Variants in DIS3L2 observed in about 807,000 individuals in gnomAD.
The protein encoded by DIS3L2 is DIS3 like 3'-5' exoribonuclease 2.
A neutral mutation model predicts 97.5 loss-of-function variants in DIS3L2; 34 were observed. That is an observed-to-expected ratio of 0.35 (90% confidence interval 0.27 to 0.46). DIS3L2 has a LOEUF of 0.46. Ranked by LOEUF, DIS3L2 falls within the 20% of genes least tolerant of loss-of-function variation. DIS3L2 has a pLI of 1.00. For synonymous variants in DIS3L2, 435 were observed against 445.2 expected (o/e 0.98, Z 0.29); for missense variants, 1,038 against 1,146.0 (o/e 0.91, Z 1.36).
chr2:232,172,647 C>T, intron 9 of DIS3L2: 3 of 528,636 alleles, frequency 5.7e-6, no homozygotes, highest in Non-Finnish European at 7.8e-6. Flanking sequence ...TGGGTATACA[C>T]CTAGGAGTGA....
chr2:231,977,928 C>T (rs552695863), intron 1 of DIS3L2, among the ~76,000 whole-genome samples: 3 of 152,288 alleles, frequency 2.0e-5, no homozygotes, highest in African/African-American at 7.2e-5. Context: ...TGTGTTTGAT[C>T]AGAAGATCCA....
At chr2:232,051,384 T>C (rs1695394693) in intron 5 of DIS3L2, among the ~76,000 whole-genome samples, 1 of 152,194 alleles carries the variant, frequency 6.6e-6, no homozygotes, top group South Asian at 2.1e-4. Context: ...TTTTGAACAA[T>C]TTCAGTGTTT....
chr2:232,017,241 T>C (rs1490055673), intron 3 of DIS3L2, among the ~76,000 whole-genome samples: 1 of 151,946 alleles, frequency 6.6e-6, no homozygotes, highest in Non-Finnish European at 1.5e-5. Flanking sequence ...AGGTAAAAAT[T>C]AGTCATGCCA....
At chr2:232,203,864 T>C (rs1167478756) in intron 9 of DIS3L2, among the ~76,000 whole-genome samples, 1 of 152,072 alleles carries the variant, frequency 6.6e-6, no homozygotes, top group African/African-American at 2.4e-5. Flanking sequence ...ACATTGGAGA[T>C]TGGTAGAGTT....
intron 1 of DIS3L2, among the ~76,000 whole-genome samples, chr2:232,000,307 T>C (rs1420428448): frequency 1.3e-5 from 2 of 152,234 alleles, no homozygotes; most frequent in Admixed American, 1.3e-4. Context: ...GAGATGACTG[T>C]ATACAATATA....
rs556233567 is a variant in DIS3L2, at chr2:232,310,430, C to T, written c.1739+10311C>T. On this transcript the variant is annotated intron_variant, in intron 14 of 20. Coordinates refer to ENST00000325385, the MANE Select transcript of DIS3L2 (RefSeq NM_152383.5). ...ATGATGCAGGCACAACTCCTGCTTC[C>T]ACTGCTGGATTCGGGTAGTGTTCAG... Among the ~76,000 whole-genome samples the T allele has an allele frequency of 2.6e-5, 4 of 152,338 alleles. No homozygotes were observed. In the South Asian group the frequency reaches 8.3e-4, roughly 32 times the overall value.
In DIS3L2 at chr2:232,337,160, T is replaced by C; in HGVS notation, c.*530T>C. 1.0e-6 allele frequency: 1 copy of C among 998,212 alleles called. No individual in the cohort carries two copies. The highest frequency in any genetic ancestry group is 1.2e-6 in the Non-Finnish European group (1 of 839,518). The allele number at this position is 998,212 out of a possible 1,614,324, so 61.8% of individuals were successfully genotyped here. ...GCAGATGATTGATACTGGAGTCTCA[T>C]TCTGCCTGATTAAAAATGGAATTAG... is the stretch of plus-strand genomic sequence containing the variant. On this transcript the variant is annotated 3_prime_UTR_variant, in exon 21 of 21. Transcript: ENST00000325385.
chr2:231,967,599 A>C (rs1218531319), intron 1 of DIS3L2, among the ~76,000 whole-genome samples: 5 of 152,240 alleles, frequency 3.3e-5, no homozygotes, highest in Non-Finnish European at 7.3e-5. Flanking sequence ...GCACAGTATT[A>C]AACAAGGTCA....
chr2:232,061,358 C>G (rs569212833), intron 5 of DIS3L2, among the ~76,000 whole-genome samples: 10 of 152,196 alleles, frequency 6.6e-5, no homozygotes, highest in Non-Finnish European at 1.5e-4. Flanking sequence ...AAAGCAAAGA[C>G]ATGTTTCTTG....
At chr2:232,343,832 G>T in exon 14 of DIS3L2, 1 of 412,204 alleles carries the variant, frequency 2.4e-6, no homozygotes, top group South Asian at 3.9e-5. Context: ...TTTTCCCTCA[G>T]ATTTTCCATC....
chr2:232,336,378 G>C, intron 20 of DIS3L2, 91 bp from the exon 21 acceptor site: 1 of 1,549,964 alleles, frequency 6.5e-7, no homozygotes, highest in South Asian at 1.2e-5. Context: ...CGAAGGAGGG[G>C]CCAGGGGTCC....
At chr2:232,321,723 G>A (rs773057502) in intron 14 of DIS3L2, among the ~76,000 whole-genome samples, 7 of 152,228 alleles carry the variant, frequency 4.6e-5, no homozygotes, top group East Asian at 1.9e-4. Flanking sequence ...CAGGGAGGCC[G>A]TGGCGCGGGC....
intron 9 of DIS3L2, among the ~76,000 whole-genome samples, chr2:232,185,733 C>T (rs1285174025): frequency 6.6e-6 from 1 of 151,896 alleles, no homozygotes; most frequent in Non-Finnish European, 1.5e-5. Flanking sequence ...GCCAGTAGTC[C>T]CAGCTACTCA....
intron 5 of DIS3L2, among the ~76,000 whole-genome samples, chr2:232,077,916 TA>T (rs1696242430): frequency 6.6e-6 from 1 of 152,150 alleles, no homozygotes; most frequent in Non-Finnish European, 1.5e-5. Context: ...TGTACTTTGT[TA>T]TAGAGTATTT....
intron 3 of DIS3L2, among the ~76,000 whole-genome samples, chr2:232,021,338 T>C (rs904338940): frequency 1.3e-5 from 2 of 152,108 alleles, no homozygotes; most frequent in Non-Finnish European, 1.5e-5. Context: ...ATGGTGACAA[T>C]GTGGTCACAG....
intron 1 of DIS3L2, among the ~76,000 whole-genome samples, chr2:231,975,661 C>T (rs1005919754): frequency 7.0e-5 from 10 of 143,140 alleles, no homozygotes; most frequent in East Asian, 2.2e-4. Flanking sequence ...GCTGAGATTG[C>T]GCCACTGCAC....
intron 1 of DIS3L2, among the ~76,000 whole-genome samples, chr2:232,014,281 C>T (rs201264281): frequency 6.6e-6 from 1 of 152,158 alleles, no homozygotes; most frequent in Non-Finnish European, 1.5e-5. Flanking sequence ...TACAGTATTG[C>T]TGTGTTTTGA....
chr2:232,320,409 C>G (rs1695398382), intron 14 of DIS3L2, among the ~76,000 whole-genome samples: 1 of 152,302 alleles, frequency 6.6e-6, no homozygotes, highest in South Asian at 2.1e-4. Context: ...GCTGCCCTTG[C>G]AGGAGAGAAT....
At chr2:231,991,704 G>A (rs552709434) in intron 1 of DIS3L2, among the ~76,000 whole-genome samples, 7 of 152,290 alleles carry the variant, frequency 4.6e-5, no homozygotes, top group Admixed American at 2.6e-4. Flanking sequence ...ACATTAGGCC[G>A]TAATAAATTC....
Sources: gnomAD v4.1 joint callset for allele counts (sites outside exome capture counted in the v4.1 genomes callset) on GRCh38, gnomAD v4.1.1 for gene constraint, MANE v1.5 for transcripts, NCBI Gene and HGNC (gene_info 2026-07-23, HGNC 2026-07-21) for gene names.